TBC1D31: variants seen among roughly 807,000 people sequenced by gnomAD.
The protein encoded by TBC1D31 is TBC1 domain family member 31, also known as WD repeat domain 67.
TBC1D31 carries 99 observed loss-of-function variants against 132.9 expected under a neutral mutation model. The observed-to-expected ratio is 0.74, with a 90% confidence interval of 0.63 to 0.88. The LOEUF (loss-of-function observed/expected upper bound fraction) is 0.88. Ranked by LOEUF, TBC1D31 falls within the 40% of genes least tolerant of loss-of-function variation. TBC1D31 has a pLI of 0.00. For synonymous variants in TBC1D31, 385 were observed against 419.4 expected (o/e 0.92, Z 1.00); for missense variants, 1,134 against 1,256.6 (o/e 0.90, Z 1.48).
chr8:123,085,334 AC>A lies in TBC1D31; in HGVS notation c.519+995del, dbSNP rs1185811245. Among the ~76,000 whole-genome samples the A allele has an allele frequency of 2.0e-5, 3 of 152,306 alleles. No homozygotes were observed. In the South Asian group the frequency reaches 6.2e-4, roughly 32 times the overall value. On this transcript the variant is annotated intron_variant, in intron 4 of 21. Transcript: ENST00000287380. ...CCCTCCCTGGGTGACCACCACTCTT[AC>A]GTTTTCCCACCATGGACTAGTGTTG... is the stretch of plus-strand genomic sequence containing the variant.
At chr8:123,157,073 T>C (rs891735649), downstream of TBC1D31, among the ~76,000 whole-genome samples, 3 of 152,252 alleles carry the variant, frequency 2.0e-5, no homozygotes, top group African/African-American at 7.2e-5. Context: ...CGGGCCGCAG[T>C]GCGAGGGTGG....
chr8:123,148,117 A>T (rs1202080559), intron 20 of TBC1D31, among the ~76,000 whole-genome samples: 1 of 148,568 alleles, frequency 6.7e-6, no homozygotes, highest in African/African-American at 2.5e-5. Flanking sequence ...ACAGAGCGAG[A>T]CTCCATCTCA....
the TBC1D31 span, among the ~76,000 whole-genome samples, chr8:123,162,411 G>T: frequency 6.6e-6 from 1 of 151,992 alleles, no homozygotes; most frequent in African/African-American, 2.4e-5. Context: ...TTTCCCTTGC[G>T]GCAAATGGAC....
intron 10 of TBC1D31, among the ~76,000 whole-genome samples, chr8:123,116,766 G>A (rs1167708662): frequency 2.0e-5 from 3 of 152,218 alleles, no homozygotes; most frequent in Non-Finnish European, 2.9e-5. Context: ...CAACCTAAAA[G>A]TTTCCAGTGG....
At position 123,120,131 on chromosome 8, in the gene TBC1D31, G is replaced by A. The variant is rs1346494028; in HGVS notation, c.1513G>A (p.Val505Ile). 1 of 1,610,774 alleles carries A rather than the reference G, an allele frequency of 6.2e-7. No individual in the cohort carries two copies. Residue 505 changes from valine (V) to isoleucine (I), a missense_variant, in exon 11 of 22, where the codon GTA becomes ATA. Val to Ile is a conservative substitution (Grantham distance 29, BLOSUM62 3). Transcript: ENST00000287380. ...PYLPLLAFPF[V>I]KLFQNNQLIC... ...TCTTCCACTCTTGGCATTTCCATTT[G>A]TAAAATTATTCCAGAACAACCAACT... is the stretch of plus-strand genomic sequence containing the variant.
At chr8:123,074,164 T>A (rs1319124730) in intron 1 of TBC1D31, among the ~76,000 whole-genome samples, 1 of 152,108 alleles carries the variant, frequency 6.6e-6, no homozygotes, top group African/African-American at 2.4e-5. Flanking sequence ...CCTGAGTAGC[T>A]GGGATTACAG....
chr8:123,139,995 G>A (rs1821472193), intron 17 of TBC1D31, among the ~76,000 whole-genome samples: 1 of 152,188 alleles, frequency 6.6e-6, no homozygotes, highest in African/African-American at 2.4e-5. Context: ...AGCAATGGTG[G>A]TTTGAAGGAT....
intron 4 of TBC1D31, among the ~76,000 whole-genome samples, chr8:123,086,904 G>T (rs537640970): frequency 1.3e-5 from 2 of 152,122 alleles, no homozygotes; most frequent in Non-Finnish European, 2.9e-5. Flanking sequence ...TTTCAGTAGA[G>T]ACGGGGTTTC....
chr8:123,080,982 A>G (rs1036715412), intron 2 of TBC1D31, among the ~76,000 whole-genome samples: 3 of 152,202 alleles, frequency 2.0e-5, no homozygotes, highest in African/African-American at 7.2e-5. Context: ...CTGGGACTTA[A>G]AAATCAGACT....
intron 8 of TBC1D31, among the ~76,000 whole-genome samples, chr8:123,107,797 CA>C (rs1342857600): frequency 2.0e-5 from 3 of 152,278 alleles, no homozygotes; most frequent in South Asian, 2.1e-4. Context: ...AAAAGTAGGT[CA>C]AAGTAGAACA....
intron 4 of TBC1D31, among the ~76,000 whole-genome samples, chr8:123,086,907 G>A (rs890346714): frequency 2.6e-5 from 4 of 152,076 alleles, no homozygotes; most frequent in Non-Finnish European, 4.4e-5. Context: ...CAGTAGAGAC[G>A]GGGTTTCACC....
intron 11 of TBC1D31, 137 bp from the exon 12 acceptor site, chr8:123,125,919 A>G (rs1242093536): frequency 1.6e-6 from 1 of 644,158 alleles, no homozygotes; most frequent in African/African-American, 1.9e-5. Flanking sequence ...ATCGATTGTC[A>G]TACAATATAA....
chr8:123,077,309 G>T, intron 2 of TBC1D31, 52 bp downstream of exon 2: 1 of 1,499,856 alleles, frequency 6.7e-7, no homozygotes. Flanking sequence ...TTAATTCACT[G>T]ACTGTTTTCG....
intron 1 of TBC1D31, among the ~76,000 whole-genome samples, chr8:123,073,699 T>C (rs1049620946): frequency 6.6e-6 from 1 of 152,234 alleles, no homozygotes; most frequent in African/African-American, 2.4e-5. Context: ...ATTTTTCTTT[T>C]CTTTGAGACG....
intron 10 of TBC1D31, among the ~76,000 whole-genome samples, chr8:123,113,114 CA>C (rs2130594723): frequency 6.6e-6 from 1 of 152,286 alleles, no homozygotes; most frequent in African/African-American, 2.4e-5. Context: ...GTTCAGAGGA[CA>C]AGGTAGAAAA....
chr8:123,093,212 A>G (rs555352553), intron 4 of TBC1D31, among the ~76,000 whole-genome samples: 200 of 152,018 alleles, frequency 1.3e-3, no homozygotes, highest in African/African-American at 4.7e-3. Flanking sequence ...GCCTCCCAAA[A>G]TGCTGGGATT....
At position 123,082,599 on chromosome 8, in the gene TBC1D31, C is replaced by T. The variant is rs991774657; in HGVS notation, c.225-103C>T. On this transcript the variant is annotated intron_variant, in intron 2 of 21. Coordinates refer to ENST00000287380, the MANE Select transcript of TBC1D31 (RefSeq NM_145647.4). The stretch of plus-strand genomic sequence containing the variant: ...CTATTTTTGGCCTAAAATGGTAGCT[C>T]ATTTTTCTGGGTTTCATTTTCTTCG... 9 of 771,124 alleles carry T rather than the reference C, an allele frequency of 1.2e-5. No homozygotes were observed. In the African/African-American group the frequency reaches 1.4e-4, roughly 12 times the overall value. 47.8% of individuals were successfully genotyped at this position (771,124 alleles called of 1,614,324 possible). A position where few individuals can be genotyped will look rare whatever the true frequency, so the allele number is the denominator to read the frequency against.
intron 10 of TBC1D31, among the ~76,000 whole-genome samples, chr8:123,117,846 T>C (rs1819098818): frequency 6.6e-6 from 1 of 151,894 alleles, no homozygotes; most frequent in Non-Finnish European, 1.5e-5. Flanking sequence ...AAGAATTCCT[T>C]GAGTGTGGAG....
chr8:123,148,411 G>T (rs909562758), intron 20 of TBC1D31, among the ~76,000 whole-genome samples: 3 of 152,090 alleles, frequency 2.0e-5, no homozygotes, highest in Admixed American at 1.3e-4. Flanking sequence ...GGAGTGGGCA[G>T]GTTGAATTTT....
Sources: gnomAD v4.1 joint callset for allele counts (sites outside exome capture counted in the v4.1 genomes callset) on GRCh38, gnomAD v4.1.1 for gene constraint, MANE v1.5 for transcripts, NCBI Gene and HGNC (gene_info 2026-07-23, HGNC 2026-07-21) for gene names.